Variants in DOCK7 observed in about 807,000 individuals in gnomAD.
DOCK7 encodes the protein dedicator of cytokinesis protein 7.
In DOCK7, 138 loss-of-function variants were observed where a neutral mutation model predicts 271.0. The ratio of observed to expected loss-of-function variants is 0.51; its 90% CI spans 0.44 to 0.59. The LOEUF (loss-of-function observed/expected upper bound fraction) is 0.59. Ranked by LOEUF, DOCK7 falls within the 20% of genes least tolerant of loss-of-function variation. DOCK7 has a pLI of 0.00. For synonymous variants in DOCK7, 823 were observed against 876.1 expected, an observed-to-expected ratio of 0.94 and a Z score of 1.07; for missense variants, 2,066 against 2,592.4, an observed-to-expected ratio of 0.80 and a Z score of 4.41.
chr1:62,617,328 TC>T (rs1490015084), intron 14 of DOCK7, among the ~76,000 whole-genome samples: 1 of 151,982 alleles, frequency 6.6e-6, no homozygotes, highest in Admixed American at 6.6e-5. Flanking sequence ...AAAAATTCAT[TC>T]TTTTTCTGTT....
At position 62,608,866 on chromosome 1, in the gene DOCK7, A is replaced by ATTC. The variant is rs553007772; in HGVS notation, c.1682+9839_1682+9840insGAA. ...ATGGAAGTCAACTAACTCATTCATT[A>ATTC]ATTTTAGAAATGGTATTCATTAAAC... On this transcript the variant is annotated intron_variant, in intron 14 of 49. Transcript: ENST00000635253. 9 of 151,246 alleles carry ATTC rather than the reference A, an allele frequency of 6.0e-5. No individual in the cohort carries two copies. In the South Asian group the frequency reaches 1.9e-3, roughly 32 times the overall value. The allele number at this position is 151,246 out of a possible 1,614,324, so 9.4% of individuals were successfully genotyped here. A position where few individuals can be genotyped will look rare whatever the true frequency, so the allele number is the denominator to read the frequency against.
At chr1:62,531,935 G>A (rs1271022688) in intron 29 of DOCK7, among the ~76,000 whole-genome samples, 1 of 152,214 alleles carries the variant, frequency 6.6e-6, no homozygotes, top group Non-Finnish European at 1.5e-5. Context: ...GCTCTCACAT[G>A]CTCACATTCT....
intron 14 of DOCK7, among the ~76,000 whole-genome samples, chr1:62,596,705 A>C (rs138234803): frequency 1.3e-5 from 2 of 152,260 alleles, no homozygotes; most frequent in African/African-American, 4.8e-5. Flanking sequence ...ATTGTTACTA[A>C]GCTAACAAAC....
chr1:62,660,294 G>T (rs1305353307), intron 2 of DOCK7, among the ~76,000 whole-genome samples: 1 of 152,056 alleles, frequency 6.6e-6, no homozygotes, highest in African/African-American at 2.4e-5. Context: ...CAAACACTTA[G>T]AAATTAAACA....
At chr1:62,529,101 G>A (rs1238596248) in intron 30 of DOCK7, among the ~76,000 whole-genome samples, 176 bp downstream of exon 30, 1 of 151,848 alleles carries the variant, frequency 6.6e-6, no homozygotes, top group Non-Finnish European at 1.5e-5. Context: ...AATCTTATAC[G>A]GAATTCTCTC....
chr1:62,505,584 T>TG, intron 36 of DOCK7, 98 bp downstream of exon 36: 3 of 1,306,518 alleles, frequency 2.3e-6, no homozygotes, highest in Non-Finnish European at 3.1e-6. Flanking sequence ...CATTAATATA[T>TG]TACTACATAT....
intron 14 of DOCK7, chr1:62,607,989 G>C (rs938453915): frequency 6.6e-6 from 1 of 152,242 alleles, no homozygotes; most frequent in African/African-American, 2.4e-5. Context: ...GGCTGAGGCA[G>C]GAGAATCGCT....
Position 62,627,766 on chromosome 1 carries a change from T to C in DOCK7, c.1283-2365A>G, listed in dbSNP as rs1044053743. ...ATAAATGAAAAAAATTTCATGTTCA[T>C]AGATTCAAAGATTTAAAATTGTTAA... On this transcript the variant is annotated intron_variant, in intron 11 of 49. Coordinates refer to ENST00000635253, the MANE Select transcript of DOCK7 (RefSeq NM_001367561.1). The C allele has an allele frequency of 3.9e-5, 6 of 152,292 alleles. No individual in the cohort carries two copies. The East Asian group carries it at 9.6e-4, about 24-fold the overall frequency. The allele number at this position is 152,292 out of a possible 1,614,324, so 9.4% of individuals were successfully genotyped here. A position where few individuals can be genotyped will look rare whatever the true frequency, so the allele number is the denominator to read the frequency against.
intron 21 of DOCK7, among the ~76,000 whole-genome samples, chr1:62,553,346 ATATATATATTTTTTTTTTTTTTTTTT>A (rs1170458840): frequency 0.087 from 2,116 of 24,366 alleles, 77 homozygotes; most frequent in Middle Eastern, 0.25. Flanking sequence ...ATATATATAT[ATATATATATTTTTTTTTTTTTTTTTT>A]TTTTTTTTTT....
At chr1:62,539,949 A>C in intron 25 of DOCK7, 57 bp from the exon 26 acceptor site, 1 of 1,184,148 alleles carries the variant, frequency 8.4e-7, no homozygotes, top group Non-Finnish European at 1.2e-6. Flanking sequence ...AATTACAACA[A>C]CTCTAAACAC....
chr1:62,635,058 A>G, intron 8 of DOCK7, 136 bp from the exon 9 acceptor site: 1 of 475,386 alleles, frequency 2.1e-6, no homozygotes, highest in Non-Finnish European at 3.7e-6. Flanking sequence ...TACAGTAATT[A>G]TAATAAGAAA....
At chr1:62,606,267 A>C (rs564671457) in intron 14 of DOCK7, 3 of 152,088 alleles carry the variant, frequency 2.0e-5, no homozygotes, top group African/African-American at 7.2e-5. Flanking sequence ...TCAAATGCAA[A>C]ATAATTCATT....
At chr1:62,572,711 C>A (rs1323161970) in intron 18 of DOCK7, among the ~76,000 whole-genome samples, 2 of 152,124 alleles carry the variant, frequency 1.3e-5, no homozygotes, top group Non-Finnish European at 2.9e-5. Context: ...ACCCTTATAA[C>A]CTTGTCTAAA....
At chr1:62,672,244 C>G (rs890567685) in intron 1 of DOCK7, among the ~76,000 whole-genome samples, 3 of 152,086 alleles carry the variant, frequency 2.0e-5, no homozygotes, top group African/African-American at 7.2e-5. Flanking sequence ...ATACAATAAT[C>G]ATTTCTTGAT....
chr1:62,687,786 G>A (rs1661982674), intron 1 of DOCK7: 1 of 151,136 alleles, frequency 6.6e-6, no homozygotes, highest in Admixed American at 6.6e-5. Context: ...GAGGAGGGCG[G>A]ACCCCGCACC....
At position 62,583,151 on chromosome 1, in the gene DOCK7, A is replaced by G. The variant is rs769428979; in HGVS notation, c.1871+33T>C. ...GTGCTAACAATGCCACTGAGAAGTG[A>G]GTAACTTTGAAAGAAATATTTGAAT... On this transcript the variant is annotated intron_variant, in intron 16 of 49. Coordinates refer to ENST00000635253, the MANE Select transcript of DOCK7 (RefSeq NM_001367561.1). 5 of 1,546,640 alleles carry G rather than the reference A, an allele frequency of 3.2e-6. No homozygotes were observed. The Admixed American group carries it at 8.4e-5, about 26-fold the overall frequency.
At chr1:62,504,845 A>T in intron 36 of DOCK7, 63 bp from the exon 37 acceptor site, 1 of 1,562,020 alleles carries the variant, frequency 6.4e-7, no homozygotes, top group Non-Finnish European at 8.7e-7. Context: ...AGATATGTTA[A>T]TATAACCTGA....
intron 14 of DOCK7, among the ~76,000 whole-genome samples, chr1:62,602,759 G>A (rs1476056258): frequency 1.3e-5 from 2 of 151,288 alleles, no homozygotes; most frequent in African/African-American, 4.8e-5. Context: ...TCTCATTAAC[G>A]TTTTACATAT....
At chr1:62,637,635 G>A (rs977711857) in intron 7 of DOCK7, among the ~76,000 whole-genome samples, 1 of 152,116 alleles carries the variant, frequency 6.6e-6, no homozygotes, top group Admixed American at 6.5e-5. Flanking sequence ...AGAGAATCGA[G>A]GACCTTGTAG....
Sources: gnomAD v4.1 joint callset for allele counts (sites outside exome capture counted in the v4.1 genomes callset) on GRCh38, gnomAD v4.1.1 for gene constraint, MANE v1.5 for transcripts, NCBI Gene and HGNC (gene_info 2026-07-23, HGNC 2026-07-21) for gene names.